LMBR1: variants seen among roughly 807,000 people sequenced by gnomAD.
LMBR1 encodes limb development membrane protein 1.
Under a neutral mutation model 73.9 loss-of-function variants are expected in LMBR1, and 52 were observed. That is an observed-to-expected ratio of 0.70 (90% CI 0.56 to 0.89). The LOEUF (loss-of-function observed/expected upper bound fraction) is 0.89. Ranked by LOEUF, LMBR1 falls within the 40% of genes least tolerant of loss-of-function variation. The pLI is 0.00. For synonymous variants in LMBR1, 215 were observed against 209.4 expected (o/e 1.03, Z -0.23); for missense variants, 539 against 579.8 (o/e 0.93, Z 0.72).
intron 5 of LMBR1, among the ~76,000 whole-genome samples, chr7:156,765,214 G>T: frequency 6.6e-6 from 1 of 152,140 alleles, no homozygotes; most frequent in South Asian, 2.1e-4. Context: ...ATCTCATCTC[G>T]AATTGTAATT....
At chr7:156,861,698 G>C (rs1260304610) in intron 1 of LMBR1, among the ~76,000 whole-genome samples, 2 of 152,174 alleles carry the variant, frequency 1.3e-5, no homozygotes, top group Non-Finnish European at 2.9e-5. Flanking sequence ...TTGCTGCTTA[G>C]AAATTTCTTC....
intron 15 of LMBR1, among the ~76,000 whole-genome samples, chr7:156,699,847 A>G (rs1025803833): frequency 6.0e-4 from 92 of 152,330 alleles, no homozygotes; most frequent in African/African-American, 2.0e-3. Context: ...CAAAACCACA[A>G]TGAGACACCA....
rs948343402 is a variant in LMBR1 at position 156,723,885 on chromosome 7, G to C, written c.1225+227C>G. Among the ~76,000 whole-genome samples the C allele has an allele frequency of 3.9e-4, 60 of 152,186 alleles. 1 individual carries two copies. The highest frequency in any genetic ancestry group is 1.4e-3 in the African/African-American group (60 of 41,544). ...ACAACAAAAACCAGCCCGTTGTTTG[G>C]AGAAAGAATGCTTTTAAGTGTTTAA... On this transcript the variant is annotated intron_variant, in intron 15 of 16. Transcript: ENST00000353442.
Position 156,702,543 on chromosome 7 carries a change from A to C in LMBR1, c.1226-14352T>G, listed in dbSNP as rs549751751. 5.3e-5 allele frequency among the ~76,000 whole-genome samples: 8 copies of C among 151,706 alleles called. No homozygotes were observed. In the South Asian group the frequency reaches 6.2e-4, roughly 12 times the overall value. On this transcript the variant is annotated intron_variant, in intron 15 of 16. Transcript: ENST00000353442. ...ATTAGACCTTTGTTAGACTGAAAAA[A>C]TTTTCTCCCATTGTGTAGGCTGTCT...
chr7:156,708,532 C>G (rs1158193681), intron 15 of LMBR1, among the ~76,000 whole-genome samples: 1 of 152,224 alleles, frequency 6.6e-6, no homozygotes, highest in African/African-American at 2.4e-5. Context: ...CTGACTATAT[C>G]TCACAGGGGA....
At position 156,794,423 on chromosome 7, in the gene LMBR1, T is replaced by A. The variant is rs374247227; in HGVS notation, c.423+1966A>T. On this transcript the variant is annotated intron_variant, in intron 5 of 16. Coordinates refer to ENST00000353442, the MANE Select transcript of LMBR1 (RefSeq NM_022458.4). ...TCTGTAAGGGGGAACAGGAGAAAAA[T>A]GACATGTCACTGGGATTTTTTGTCA... 7.2e-5 allele frequency among the ~76,000 whole-genome samples: 11 copies of A among 152,286 alleles called. No homozygotes were observed. In the East Asian group the frequency reaches 1.5e-3, roughly 21 times the overall value.
intron 6 of LMBR1, 76 bp from the exon 7 acceptor site, chr7:156,763,252 A>C: frequency 1.6e-6 from 1 of 626,184 alleles, no homozygotes; most frequent in Non-Finnish European, 2.7e-6. Flanking sequence ...TCTTACGATA[A>C]GATAGAGGCT....
At chr7:156,891,231 TATACACAC>T (rs1218778256) in intron 1 of LMBR1, among the ~76,000 whole-genome samples, 2 of 78,998 alleles carry the variant, frequency 2.5e-5, no homozygotes, top group African/African-American at 5.2e-5. Flanking sequence ...TATATATATA[TATACACAC>T]ACACACACAC....
intron 5 of LMBR1, among the ~76,000 whole-genome samples, chr7:156,775,913 G>A (rs1185723113): frequency 6.6e-6 from 1 of 151,832 alleles, no homozygotes; most frequent in Non-Finnish European, 1.5e-5. Flanking sequence ...TCCAAATCCT[G>A]TTTCCACTAC....
intron 5 of LMBR1, among the ~76,000 whole-genome samples, chr7:156,774,306 G>A (rs76983314): frequency 0.038 from 5,860 of 152,256 alleles, 151 homozygotes; most frequent in South Asian, 0.085. Context: ...GCAGTGTGGC[G>A]ACTTCTCAAA....
At chr7:156,869,333 G>A (rs953095161) in intron 1 of LMBR1, among the ~76,000 whole-genome samples, 2 of 152,022 alleles carry the variant, frequency 1.3e-5, no homozygotes, top group Admixed American at 6.6e-5. Context: ...AAAGCTTAAG[G>A]CTCTCGGAGA....
intron 1 of LMBR1, among the ~76,000 whole-genome samples, chr7:156,847,595 A>G (rs1395266534): frequency 6.6e-6 from 1 of 152,208 alleles, no homozygotes. Context: ...TTCAACCACA[A>G]GAAAACAAAC....
At chr7:156,800,482 C>CAAAA (rs1245017996) in intron 4 of LMBR1, among the ~76,000 whole-genome samples, 6,393 of 80,766 alleles carry the variant, frequency 0.079, 295 homozygotes, top group East Asian at 0.17. Context: ...ACTTGCTACT[C>CAAAA]AAAAAAAAAA....
intron 4 of LMBR1, among the ~76,000 whole-genome samples, chr7:156,803,887 G>GT (rs1563402084): frequency 1.3e-5 from 2 of 149,612 alleles, no homozygotes; most frequent in Non-Finnish European, 3.0e-5. Flanking sequence ...GCAAACTATC[G>GT]CAAGGACAAA....
intron 4 of LMBR1, among the ~76,000 whole-genome samples, chr7:156,808,625 C>G (rs1170175789): frequency 6.6e-6 from 1 of 151,980 alleles, no homozygotes; most frequent in Non-Finnish European, 1.5e-5. Flanking sequence ...TTTTTGTTTT[C>G]TATTTGCCCC....
intron 4 of LMBR1, among the ~76,000 whole-genome samples, chr7:156,802,389 T>C (rs1268639645): frequency 1.3e-5 from 2 of 152,170 alleles, no homozygotes; most frequent in Non-Finnish European, 2.9e-5. Context: ...ATTTTTTATT[T>C]CCCAATGCCT....
At chr7:156,815,179 C>CA (rs900762626) in intron 4 of LMBR1, among the ~76,000 whole-genome samples, 4 of 113,348 alleles carry the variant, frequency 3.5e-5, no homozygotes, top group Non-Finnish European at 5.7e-5. Context: ...AAAAAAAGTA[C>CA]AAAAAAACTG....
At chr7:156,789,396 T>A (rs1351624142) in intron 5 of LMBR1, among the ~76,000 whole-genome samples, 3 of 152,178 alleles carry the variant, frequency 2.0e-5, no homozygotes, top group East Asian at 1.9e-4. Context: ...GTTAGTGACT[T>A]AAGTTTTAAA....
chr7:156,813,414 G>A (rs936692571), intron 4 of LMBR1, among the ~76,000 whole-genome samples: 4 of 152,120 alleles, frequency 2.6e-5, no homozygotes, highest in Non-Finnish European at 5.9e-5. Flanking sequence ...AATACTTATT[G>A]ATATCCTTGC....
Sources: allele counts gnomAD v4.1 joint callset (sites outside exome capture counted in the v4.1 genomes callset), GRCh38; gene constraint gnomAD v4.1.1; transcripts MANE v1.5; gene names NCBI Gene and HGNC (gene_info 2026-07-23, HGNC 2026-07-21).